The following ZNF746 variants were observed in gnomAD, a reference collection of about 807,000 sequenced individuals.
ZNF746 encodes the protein zinc finger protein 746.
In ZNF746, 13 loss-of-function variants were observed where a neutral mutation model predicts 41.0. The observed-to-expected ratio is 0.32, with a 90% CI of 0.21 to 0.50. The LOEUF (loss-of-function observed/expected upper bound fraction) is 0.50. ZNF746 is among the 20% of genes least tolerant of loss of function. The pLI, the probability that ZNF746 is intolerant of heterozygous loss-of-function variation, is 0.98. For missense variants in ZNF746, 811 were observed against 922.9 expected, an observed-to-expected ratio of 0.88 and a Z score of 1.57; for synonymous variants, 424 against 396.2, an observed-to-expected ratio of 1.07 and a Z score of -0.83.
chr7:149,478,718 A>C (rs1411573748), intron 4 of ZNF746, among the ~76,000 whole-genome samples: 1 of 152,254 alleles, frequency 6.6e-6, no homozygotes, highest in African/African-American at 2.4e-5. Context: ...CTAATGAAAA[A>C]AAGGAGAGGC....
In ZNF746 at chr7:149,476,994, G is replaced by A. The variant is rs767611954; in HGVS notation, c.811C>T (p.Leu271Phe). The change falls in exon 6 of 7, where the codon CTC becomes TTC. Residue 271 changes from leucine to phenylalanine, a missense_variant. Leu to Phe is a conservative substitution (Grantham distance 22). Around this residue, in one of 4 missense-constraint regions of ZNF746, gnomAD observed 495 missense variants for 481.6 expected, o/e 1.03. Coordinates refer to ENST00000458143, the MANE Select transcript of ZNF746 (RefSeq NM_001394198.1). ...TIPPTSWQTD[L>F]PPHHPSSACS... Reference sequence around the variant, plus strand: ...GCTGAAGAGGGATGGTGGGGAGGGAGATCCGTTTGCCAGGAGGTGGGCGGG... The same window carrying A: ...GCTGAAGAGGGATGGTGGGGAGGGAAATCCGTTTGCCAGGAGGTGGGCGGG... 6.2e-7 allele frequency: 1 copy of A among 1,613,988 alleles called. No homozygotes were observed. The highest frequency in any genetic ancestry group is 2.2e-5 in the East Asian group (1 of 44,862).
chr7:149,492,859 C>T lies in ZNF746; in HGVS notation c.565G>A (p.Gly189Ser). 6.2e-7 allele frequency: 1 copy of T among 1,610,666 alleles called. No homozygotes were observed. Among genetic ancestry groups the T allele is most frequent in the Non-Finnish European group, 8.5e-7 (1 of 1,177,180 alleles). The change falls in exon 4 of 7, where the codon GGC becomes AGC. Residue 189 changes from glycine (G) to serine (S), a missense_variant and splice_region_variant. Gly to Ser is a moderately conservative substitution (Grantham distance 56). Around this residue, in one of 4 missense-constraint regions of ZNF746, gnomAD observed 495 missense variants for 481.6 expected, o/e 1.03. Transcript: ENST00000458143. ...TCCCTGGCCTTCTCCCAGCCCTTAC[C>T]TGGACTGGGGTCCACAGGAACATCT... ...IPDVPVDPSP[G>S]SGPPVPAPDL...
rs1476999219 is a variant in ZNF746 at position 149,477,607 on chromosome 7, C to A, written c.714G>T (p.Gln238His). Residue 238 changes from glutamine (Q) to histidine (H), a missense_variant, in exon 5 of 7, where the codon CAG becomes CAT. Around this residue, in one of 4 missense-constraint regions of ZNF746, gnomAD observed 495 missense variants for 481.6 expected, o/e 1.03. Coordinates refer to ENST00000458143, the MANE Select transcript of ZNF746 (RefSeq NM_001394198.1). ...AGATGTCTCCTGCTCCGGAATCCAGCTGGCTGAGGCCCCAGGGCTCCTCCC... is the reference window on the plus strand; with the variant it reads ...AGATGTCTCCTGCTCCGGAATCCAGATGGCTGAGGCCCCAGGGCTCCTCCC... ...DIGEEPWGLS[Q>H]LDSGAGDIST... The A allele has an allele frequency of 1.2e-6, 2 of 1,613,154 alleles. No homozygotes were observed. Among genetic ancestry groups the A allele is most frequent in the African/African-American group, 2.7e-5 (2 of 74,928 alleles).
rs1446580033 is a variant in ZNF746 at position 149,474,378 on chromosome 7, A to G, written c.*6T>C. ...CGGCCGGCAGGGGCTATGGGGCTGG[A>G]GGCGCTCACATGTCCCCGCCATCGG... On this transcript the variant is annotated 3_prime_UTR_variant, in exon 7 of 7. Coordinates refer to ENST00000458143, the MANE Select transcript of ZNF746 (RefSeq NM_001394198.1). The surrounding 1 kb of genome is among the most constrained non-coding windows in gnomAD (Gnocchi z 6.3). The G allele has an allele frequency of 1.3e-6, 2 of 1,599,770 alleles. No homozygotes were observed. Among genetic ancestry groups the G allele is most frequent in the Non-Finnish European group, 8.5e-7 (1 of 1,173,760 alleles).
chr7:149,477,603 C>G lies in ZNF746; in HGVS notation c.718G>C (p.Asp240His). 1.2e-6 allele frequency: 2 copies of G among 1,613,306 alleles called. No homozygotes were observed. The highest frequency in any genetic ancestry group is 2.2e-5 in the South Asian group (2 of 90,994). Residue 240 changes from aspartate (D) to histidine (H), a missense_variant, in exon 5 of 7, where the codon GAT (aspartate) becomes CAT (histidine). Transcript: ENST00000458143. ...GEEPWGLSQL[D>H]SGAGDISTDA... ...GTGGAGATGTCTCCTGCTCCGGAAT[C>G]CAGCTGGCTGAGGCCCCAGGGCTCC...
rs1562993981 is a variant in ZNF746 at position 149,494,106 on chromosome 7, T to A, written c.334A>T (p.Thr112Ser). The stretch of plus-strand genomic sequence containing the variant: ...AAATACACGGCCACATCATCAAAGG[T>A]CACGGGCACCTGGAACCACAAGTGT... ...SKGESPKVPV[T>S]FDDVAVYFSE... Residue 112 changes from threonine (T) to serine (S), a missense_variant, in exon 3 of 7, where the codon ACC (threonine) becomes TCC (serine). Physicochemically the swap from Thr to Ser is moderately conservative, Grantham distance 58. Around this residue, in one of 4 missense-constraint regions of ZNF746, gnomAD observed 147 missense variants for 233.4 expected, o/e 0.63. Coordinates refer to ENST00000458143, the MANE Select transcript of ZNF746 (RefSeq NM_001394198.1). This position sits in a 1 kb window ranked among gnomAD's most constrained non-coding sequence, Gnocchi z 5.6. 1 of 1,614,092 alleles carries A rather than the reference T, an allele frequency of 6.2e-7. No individual in the cohort carries two copies. Among genetic ancestry groups the A allele is most frequent in the Non-Finnish European group, 8.5e-7 (1 of 1,180,006 alleles).
intron 4 of ZNF746, 83 bp downstream of exon 4, chr7:149,492,776 G>T: frequency 1.0e-6 from 1 of 974,462 alleles, no homozygotes. Flanking sequence ...ACTCTCTCTG[G>T]AAAGATCACA....
At chr7:149,478,187 G>A (rs554347034) in intron 4 of ZNF746, among the ~76,000 whole-genome samples, 1 of 151,962 alleles carries the variant, frequency 6.6e-6, no homozygotes. Context: ...AGAACACACA[G>A]AGTCAATCAC....
chr7:149,489,307 AAT>A (rs1800726613), intron 4 of ZNF746: 1 of 152,012 alleles, frequency 6.6e-6, no homozygotes, highest in Non-Finnish European at 1.5e-5. Flanking sequence ...ACATTCAGCA[AAT>A]AGTTATTGAA....
At position 149,474,836 on chromosome 7, in the gene ZNF746, C is replaced by CACTGCCGCT. The variant is rs1800232148; in HGVS notation, c.1530_1531insAGCGGCAGT (p.Gly510_Gly511insSerGlySer). On this transcript the variant is annotated inframe_insertion, in exon 7 of 7. Transcript: ENST00000458143. The surrounding 1 kb of genome is among the most constrained non-coding windows in gnomAD (Gnocchi z 6.3). ...CTGCCCCCACCGCTGCCGCCACCGCCGCCGCCACTGCCGCTGCCGCCACCG... is the reference window on the plus strand; with the variant it reads ...CTGCCCCCACCGCTGCCGCCACCGCCACTGCCGCTGCCGCCACTGCCGCTGCCGCCACCG... The CACTGCCGCT allele has an allele frequency of 7.1e-7, 1 of 1,410,714 alleles. No homozygotes were observed. Among genetic ancestry groups the CACTGCCGCT allele is most frequent in the Non-Finnish European group, 9.2e-7 (1 of 1,087,634 alleles). 87.4% of individuals were successfully genotyped at this position (1,410,714 alleles called of 1,614,324 possible). A position where few individuals can be genotyped will look rare whatever the true frequency, so the allele number is the denominator to read the frequency against.
At chr7:149,491,746 C>T (rs941626539) in intron 4 of ZNF746, 6 of 620,972 alleles carry the variant, frequency 9.7e-6, no homozygotes, top group African/African-American at 3.7e-5. Flanking sequence ...CAGTGTCAGA[C>T]GAAAGGGAAA....
rs1275251260 is a variant in ZNF746, at chr7:149,491,785, G to A, written c.565+1074C>T. 57 of 679,828 alleles carry A rather than the reference G, an allele frequency of 8.4e-5. 2 individuals carry two copies. Among genetic ancestry groups the A allele is most frequent in the South Asian group, 8.2e-4 (54 of 65,686 alleles). The allele number at this position is 679,828 out of a possible 1,614,324, so 42.1% of individuals were successfully genotyped here. A position where few individuals can be genotyped will look rare whatever the true frequency, so the allele number is the denominator to read the frequency against. Reference sequence around the variant, plus strand: ...AAGGCAGGTGGGACGGTCAAGGGCGGGTCTTCTGGAGGAATCAGGGGTCGA... The same window carrying A: ...AAGGCAGGTGGGACGGTCAAGGGCGAGTCTTCTGGAGGAATCAGGGGTCGA... On this transcript the variant is annotated intron_variant, in intron 4 of 6. Coordinates refer to ENST00000458143, the MANE Select transcript of ZNF746 (RefSeq NM_001394198.1).
At chr7:149,490,538 G>C (rs1459817021) in intron 4 of ZNF746, 2 of 152,960 alleles carry the variant, frequency 1.3e-5, no homozygotes, top group Admixed American at 6.5e-5. Context: ...GGATGAGTCA[G>C]GGCAGTGAAA....
chr7:149,485,195 T>C (rs960407213), intron 4 of ZNF746, among the ~76,000 whole-genome samples: 4 of 146,880 alleles, frequency 2.7e-5, no homozygotes, highest in Non-Finnish European at 6.0e-5. Flanking sequence ...TAACAAAATA[T>C]GTGCAAGACC....
intron 4 of ZNF746, among the ~76,000 whole-genome samples, chr7:149,487,072 T>C (rs1258577964): frequency 1.3e-5 from 2 of 152,120 alleles, no homozygotes; most frequent in East Asian, 1.9e-4. Flanking sequence ...GCCAGATCAG[T>C]GGTGGCATTA....
In ZNF746 at chr7:149,479,733, A is replaced by G. The variant is rs76679800; in HGVS notation, c.566-1978T>C. ...AAACAGAAATTCCTCCCAATGTGGA[A>G]TATCTAAAATTGCTGAGTAGGCTGG... On this transcript the variant is annotated intron_variant, in intron 4 of 6. Transcript: ENST00000458143. Among the ~76,000 whole-genome samples the G allele has an allele frequency of 9.0e-3, 1,375 of 152,288 alleles. 31 individuals are homozygous for G. The highest frequency in any genetic ancestry group is 0.045 in the East Asian group (233 of 5,184).
rs77434330 is a variant in ZNF746 at position 149,476,928 on chromosome 7, T to C, written c.877A>G (p.Thr293Ala). The C allele has an allele frequency of 5.1e-4, 823 of 1,613,932 alleles. 4 individuals carry two copies. In the African/African-American group the frequency reaches 0.01, roughly 20 times the overall value. ...GTLKLNTAAS[T>A]EADVKIVIKT... ...CTCCTCTCGCCACCTGTACCTTCCG[T>C]GGAGGCTGCTGTGTTGAGCTTCAGG... Residue 293 changes from threonine to alanine, a missense_variant, in exon 6 of 7, where the codon ACG (threonine) becomes GCG (alanine). By Grantham distance (58) the Thr-to-Ala change is moderately conservative. Coordinates refer to ENST00000458143, the MANE Select transcript of ZNF746 (RefSeq NM_001394198.1).
chr7:149,485,161 A>G, intron 4 of ZNF746, among the ~76,000 whole-genome samples: 1 of 151,832 alleles, frequency 6.6e-6, no homozygotes. Context: ...TAAAAAAAAA[A>G]AAAAAAGAAC....
At chr7:149,478,488 C>T (rs1218424128) in intron 4 of ZNF746, among the ~76,000 whole-genome samples, 1 of 152,198 alleles carries the variant, frequency 6.6e-6, no homozygotes, top group African/African-American at 2.4e-5. Context: ...CGGGCAGACA[C>T]CATAAACTGA....
Sources: gnomAD v4.1 joint callset for allele counts (sites outside exome capture counted in the v4.1 genomes callset) on GRCh38, gnomAD v4.1.1 for gene constraint, gnomAD v4.1.1 regional missense constraint, Gnocchi (gnomAD v3.1) non-coding constraint, MANE v1.5 for transcripts, NCBI Gene and HGNC (gene_info 2026-07-23, HGNC 2026-07-21) for gene names.